SEMA6D: variants seen among roughly 807,000 people sequenced by gnomAD.
SEMA6D encodes the protein semaphorin 6D, also known as semaphorin-6D.
In SEMA6D, 35 loss-of-function variants were observed where a neutral mutation model predicts 106.6. That is an observed-to-expected ratio of 0.33 (90% CI 0.25 to 0.44). The LOEUF (loss-of-function observed/expected upper bound fraction) is 0.44, where lower values mean the gene tolerates loss of function less well. SEMA6D is among the 20% of genes least tolerant of loss of function. The probability of loss-of-function intolerance (pLI) is 1.00; values close to 1 mark genes in which losing one functional copy is unlikely to be tolerated. For missense variants in SEMA6D, 1,185 were observed against 1,345.9 expected, an observed-to-expected ratio of 0.88 and a Z score of 1.87; for synonymous variants, 499 against 487.7, an observed-to-expected ratio of 1.02 and a Z score of -0.31.
intron 2 of SEMA6D, among the ~76,000 whole-genome samples, chr15:47,417,443 CAGAG>C (rs150136426): frequency 5.2e-4 from 67 of 129,552 alleles, no homozygotes; most frequent in Non-Finnish European, 7.0e-4. Context: ...GTGTGTGTGT[CAGAG>C]AGAGAGAGAG....
intron 1 of SEMA6D, among the ~76,000 whole-genome samples, chr15:47,363,984 A>T (rs1216560568): frequency 6.6e-6 from 1 of 152,162 alleles, no homozygotes. Context: ...CACTATCAGG[A>T]GAACAGTGTG....
At position 47,273,410 on chromosome 15, in the gene SEMA6D, A is replaced by G. The variant is rs565662987; in HGVS notation, c.-239+88992A>G. Among the ~76,000 whole-genome samples, 37 of 152,356 alleles carry G rather than the reference A, an allele frequency of 2.4e-4. 1 individual carries two copies. The highest frequency in any genetic ancestry group is 1.9e-3 in the Admixed American group (29 of 15,292). ...GTGTTAAGAGGACCTGAGAAAGGAT[A>G]GAAATCAATAGTCTCTGCTGTCCCT... On this transcript the variant is annotated intron_variant, in intron 1 of 19. Transcript: ENST00000558014.
intron 1 of SEMA6D, among the ~76,000 whole-genome samples, chr15:47,405,763 A>G (rs766419956): frequency 6.6e-6 from 1 of 152,010 alleles, no homozygotes; most frequent in Non-Finnish European, 1.5e-5. Flanking sequence ...GCTCTATTAC[A>G]TGCTTCTCTC....
chr15:47,504,083 C>T (rs2043955213), intron 3 of SEMA6D, among the ~76,000 whole-genome samples: 1 of 152,210 alleles, frequency 6.6e-6, no homozygotes, highest in African/African-American at 2.4e-5. Flanking sequence ...CTGCTCCTCC[C>T]TCTGCAGGCT....
intron 1 of SEMA6D, among the ~76,000 whole-genome samples, chr15:47,248,235 C>T (rs918091099): frequency 1.3e-5 from 2 of 152,128 alleles, no homozygotes; most frequent in Non-Finnish European, 2.9e-5. Context: ...ATATTCTAAG[C>T]TTTATCAACT....
intron 1 of SEMA6D, among the ~76,000 whole-genome samples, chr15:47,198,484 T>A (rs1009963773): frequency 2.0e-5 from 3 of 152,174 alleles, no homozygotes; most frequent in African/African-American, 7.2e-5. Flanking sequence ...TCCCATTGTG[T>A]CTAGGATCAT....
intron 3 of SEMA6D, among the ~76,000 whole-genome samples, chr15:47,484,210 C>A (rs1169156142): frequency 6.6e-6 from 1 of 152,142 alleles, no homozygotes; most frequent in Admixed American, 6.6e-5. Context: ...AGGGTATTTT[C>A]AGTCTCTTTT....
intron 1 of SEMA6D, among the ~76,000 whole-genome samples, chr15:47,237,833 C>G (rs2032651094): frequency 6.6e-6 from 1 of 152,122 alleles, no homozygotes; most frequent in Admixed American, 6.6e-5. Context: ...GAAGACTGCT[C>G]TTACAAATCT....
At position 47,458,533 on chromosome 15, in the gene SEMA6D, AATT is replaced by A. The variant is rs201245513; in HGVS notation, c.-158-11939_-158-11937del. On this transcript the variant is annotated intron_variant, in intron 2 of 19. Coordinates refer to the SEMA6D transcript ENST00000558014. ...ATATTCCCTAGCCACAATGGAATTA[AATT>A]AGGAATTAATAGTAGAAATATATCT... Among the ~76,000 whole-genome samples, 748 of 152,174 alleles carry A rather than the reference AATT, an allele frequency of 4.9e-3. 6 individuals carry two copies. The highest frequency in any genetic ancestry group is 0.017 in the African/African-American group (705 of 41,558).
Position 47,580,207 on chromosome 15 carries a change from C to G in SEMA6D, c.-86-20658C>G, listed in dbSNP as rs541657589. Among the ~76,000 whole-genome samples, 6 of 152,290 alleles carry G rather than the reference C, an allele frequency of 3.9e-5. No homozygotes were observed. The East Asian group carries it at 1.2e-3, about 29-fold the overall frequency. ...CAGGAGCTAGCATTCCCCAGACAAT[C>G]TTGCCTGCTTACATTTAGACTTGAG... On this transcript the variant is annotated intron_variant, in intron 3 of 19. Coordinates refer to the SEMA6D transcript ENST00000558014.
intron 1 of SEMA6D, among the ~76,000 whole-genome samples, chr15:47,360,350 G>A (rs1274955302): frequency 6.6e-6 from 1 of 152,196 alleles, no homozygotes; most frequent in Non-Finnish European, 1.5e-5. Flanking sequence ...CATGCTGACA[G>A]AACCCCTTAG....
At chr15:47,563,746 A>G (rs2046147106) in intron 3 of SEMA6D, among the ~76,000 whole-genome samples, 1 of 152,244 alleles carries the variant, frequency 6.6e-6, no homozygotes, top group Admixed American at 6.5e-5. Flanking sequence ...TTCTAGGACC[A>G]TAACTGACAT....
At chr15:47,559,950 A>T (rs1181488099) in intron 3 of SEMA6D, among the ~76,000 whole-genome samples, 2 of 152,132 alleles carry the variant, frequency 1.3e-5, no homozygotes, top group Non-Finnish European at 2.9e-5. Flanking sequence ...CACAGAGATG[A>T]TCCCTAGGAA....
At chr15:47,283,122 A>G (rs2035205603) in intron 1 of SEMA6D, among the ~76,000 whole-genome samples, 1 of 152,110 alleles carries the variant, frequency 6.6e-6, no homozygotes. Flanking sequence ...CCTTTCTGTC[A>G]TTTGAGACAC....
chr15:47,653,457 G>A (rs2077731007), intron 4 of SEMA6D, among the ~76,000 whole-genome samples: 2 of 152,164 alleles, frequency 1.3e-5, no homozygotes, highest in African/African-American at 2.4e-5. Context: ...CTCTTTCATA[G>A]CAAGACCTTT....
intron 1 of SEMA6D, among the ~76,000 whole-genome samples, chr15:47,292,119 A>G (rs1239459637): frequency 2.0e-5 from 3 of 152,244 alleles, no homozygotes; most frequent in Non-Finnish European, 4.4e-5. Flanking sequence ...TGTGAATAGA[A>G]TATGCACTGT....
At chr15:47,384,305 A>G (rs534903796) in intron 1 of SEMA6D, among the ~76,000 whole-genome samples, 8 of 152,356 alleles carry the variant, frequency 5.3e-5, no homozygotes, top group South Asian at 2.1e-4. Context: ...TCTAGCGCCT[A>G]TTCACTAGGC....
chr15:47,498,598 C>A (rs2043746778), intron 3 of SEMA6D, among the ~76,000 whole-genome samples: 1 of 152,014 alleles, frequency 6.6e-6, no homozygotes, highest in African/African-American at 2.4e-5. Flanking sequence ...AAGTGCCTGC[C>A]TCTGTTTTCA....
Position 47,595,283 on chromosome 15 carries a change from A to G in SEMA6D, c.-86-5582A>G, listed in dbSNP as rs145953265. On this transcript the variant is annotated intron_variant, in intron 3 of 19. Transcript: ENST00000558014. ...TTTGTTGAGAATTTTTATTATGAAA[A>G]CAAGTTGAATTTTTCATCAAATGCT... Among the ~76,000 whole-genome samples, 26 of 152,320 alleles carry G rather than the reference A, an allele frequency of 1.7e-4. No individual in the cohort carries two copies. In the East Asian group the frequency reaches 4.8e-3, roughly 28 times the overall value.
Sources: gnomAD v4.1 joint callset for allele counts (sites outside exome capture counted in the v4.1 genomes callset) on GRCh38, gnomAD v4.1.1 for gene constraint, MANE v1.5 for transcripts, NCBI Gene and HGNC (gene_info 2026-07-23, HGNC 2026-07-21) for gene names.